The following HCN1 variants were observed in gnomAD, a reference collection of about 807,000 sequenced individuals.
HCN1 encodes potassium/sodium hyperpolarization-activated cyclic nucleotide-gated channel 1.
A neutral mutation model predicts 78.9 loss-of-function variants in HCN1; 13 were observed. That is an observed-to-expected ratio of 0.16 (90% confidence interval 0.11 to 0.26). The LOEUF (loss-of-function observed/expected upper bound fraction) is 0.26, where lower values mean the gene tolerates loss of function less well. Among genes scored for constraint, HCN1 ranks in the 10% least tolerant of loss-of-function variants. The pLI is 1.00. For synonymous variants in HCN1, 552 were observed against 455.5 expected, an observed-to-expected ratio of 1.21 and a Z score of -2.70; for missense variants, 810 against 1,154.3, an observed-to-expected ratio of 0.70 and a Z score of 4.32.
chr5:45,471,364 G>A (rs1476941533), intron 2 of HCN1, among the ~76,000 whole-genome samples: 2 of 151,788 alleles, frequency 1.3e-5, no homozygotes, highest in African/African-American at 2.4e-5. Context: ...AACTCCAAAT[G>A]TCTCAAAGAT....
Position 45,363,145 on chromosome 5 carries a change from C to CATATATATATAT in HCN1, c.1231-9911_1231-9900dup, listed in dbSNP as rs34074894. 2.9e-3 allele frequency among the ~76,000 whole-genome samples: 386 copies of CATATATATATAT among 131,234 alleles called. 4 individuals carry two copies. The highest frequency in any genetic ancestry group is 0.01 in the African/African-American group (350 of 33,480). The allele number at this position is 131,234 out of a possible 152,430, so 86.1% of individuals were successfully genotyped here. A position where few individuals can be genotyped will look rare whatever the true frequency, so the allele number is the denominator to read the frequency against. On this transcript the variant is annotated intron_variant, in intron 4 of 7. Coordinates refer to ENST00000303230, the MANE Select transcript of HCN1 (RefSeq NM_021072.4). ...ATATATAACATATTATATATATATA[C>CATATATATATAT]ATATATATATATATATATATATATC...
chr5:45,444,732 G>T (rs1740751297), intron 3 of HCN1, among the ~76,000 whole-genome samples: 1 of 151,664 alleles, frequency 6.6e-6, no homozygotes, highest in Admixed American at 6.6e-5. Flanking sequence ...TTTGTTGGCT[G>T]CATCTTTGGT....
chr5:45,314,243 T>A (rs1745924752), intron 5 of HCN1, among the ~76,000 whole-genome samples: 1 of 152,140 alleles, frequency 6.6e-6, no homozygotes, highest in African/African-American at 2.4e-5. Flanking sequence ...CAACCCAGAA[T>A]TTCATATCCA....
intron 2 of HCN1, among the ~76,000 whole-genome samples, chr5:45,580,683 C>A (rs906658582): frequency 1.3e-5 from 2 of 152,024 alleles, no homozygotes; most frequent in African/African-American, 2.4e-5. Flanking sequence ...TGCTATTTCT[C>A]TCCCCTCCGC....
chr5:45,649,789 T>G (rs1163719605), intron 1 of HCN1, among the ~76,000 whole-genome samples: 1 of 152,114 alleles, frequency 6.6e-6, no homozygotes, highest in African/African-American at 2.4e-5. Context: ...AATTGGATTT[T>G]TAATGAAAAC....
At chr5:45,666,613 A>G (rs1011523395) in intron 1 of HCN1, among the ~76,000 whole-genome samples, 3 of 152,014 alleles carry the variant, frequency 2.0e-5, no homozygotes, top group Non-Finnish European at 2.9e-5. Context: ...TTTTGTATGT[A>G]TGTGGATAAT....
chr5:45,596,576 G>A (rs1294360000), intron 2 of HCN1, among the ~76,000 whole-genome samples: 1 of 152,186 alleles, frequency 6.6e-6, no homozygotes, highest in African/African-American at 2.4e-5. Context: ...AGCTGTTATT[G>A]TATTGGAACA....
intron 1 of HCN1, among the ~76,000 whole-genome samples, chr5:45,692,713 G>A (rs906300019): frequency 6.6e-6 from 1 of 152,110 alleles, no homozygotes; most frequent in East Asian, 1.9e-4. Context: ...GTGGGGAAAA[G>A]AGGCACTAGC....
chr5:45,593,985 A>AT (rs1221651078), intron 2 of HCN1, among the ~76,000 whole-genome samples: 1 of 152,100 alleles, frequency 6.6e-6, no homozygotes, highest in African/African-American at 2.4e-5. Context: ...CTATTCCTGA[A>AT]TTTTAAATTT....
intron 2 of HCN1, among the ~76,000 whole-genome samples, chr5:45,593,701 G>T (rs918297205): frequency 6.6e-6 from 1 of 151,466 alleles, no homozygotes; most frequent in Admixed American, 6.6e-5. Context: ...TAAAGACAGA[G>T]TCTTGCTCTT....
At chr5:45,677,015 T>C (rs1739570392) in intron 1 of HCN1, among the ~76,000 whole-genome samples, 1 of 151,858 alleles carries the variant, frequency 6.6e-6, no homozygotes, top group East Asian at 1.9e-4. Flanking sequence ...CATTATAACT[T>C]TAACTTGCCA....
intron 2 of HCN1, among the ~76,000 whole-genome samples, chr5:45,568,777 T>G (rs932962266): frequency 6.6e-6 from 1 of 152,118 alleles, no homozygotes; most frequent in Non-Finnish European, 1.5e-5. Context: ...TTAAGTAGCT[T>G]TATTTTAAAA....
chr5:45,467,585 G>C (rs1202032293), intron 2 of HCN1, among the ~76,000 whole-genome samples: 1 of 152,002 alleles, frequency 6.6e-6, no homozygotes, highest in Non-Finnish European at 1.5e-5. Flanking sequence ...TGTGTAGCTT[G>C]TACTACTTAA....
chr5:45,314,130 A>C (rs746724537), intron 5 of HCN1, among the ~76,000 whole-genome samples: 2 of 152,206 alleles, frequency 1.3e-5, no homozygotes, highest in Non-Finnish European at 2.9e-5. Flanking sequence ...CGGGTTACCC[A>C]CAAAGAGAAG....
chr5:45,675,267 C>T (rs1444840822), intron 1 of HCN1, among the ~76,000 whole-genome samples: 1 of 151,734 alleles, frequency 6.6e-6, no homozygotes, highest in Non-Finnish European at 1.5e-5. Flanking sequence ...TATCCTAGGC[C>T]AGCCAAGTCC....
chr5:45,440,600 T>C (rs896387835), intron 3 of HCN1, among the ~76,000 whole-genome samples: 1 of 152,136 alleles, frequency 6.6e-6, no homozygotes, highest in Non-Finnish European at 1.5e-5. Context: ...CCCTGACTAG[T>C]TCACATCAAA....
Position 45,346,580 on chromosome 5 carries a change from C to T in HCN1, c.1377+6520G>A, listed in dbSNP as rs146694000. Among the ~76,000 whole-genome samples the T allele has an allele frequency of 6.4e-3, 977 of 152,258 alleles. 11 individuals are homozygous for T. The highest frequency in any genetic ancestry group is 0.021 in the African/African-American group (862 of 41,560). On this transcript the variant is annotated intron_variant, in intron 5 of 7. Transcript: ENST00000303230. ...GCGAGGCACTACCTCACTCAGGAAG[C>T]GCAAGGGGTCAGGGAGTTCCCTTTC...
Position 45,297,552 on chromosome 5 carries a change from T to C in HCN1, c.1618+6047A>G, listed in dbSNP as rs143412667. Among the ~76,000 whole-genome samples the C allele has an allele frequency of 2.8e-3, 429 of 152,200 alleles. 1 individual carries two copies. The highest frequency in any genetic ancestry group is 9.8e-3 in the African/African-American group (406 of 41,558). ...CCAAATATTTAAGGAATAAATGATA[T>C]CAATTCTCCACCATCTTTTCCAGAA... On this transcript the variant is annotated intron_variant, in intron 6 of 7. Coordinates refer to ENST00000303230, the MANE Select transcript of HCN1 (RefSeq NM_021072.4).
At chr5:45,543,079 G>A (rs1023575750) in intron 2 of HCN1, among the ~76,000 whole-genome samples, 2 of 152,062 alleles carry the variant, frequency 1.3e-5, no homozygotes, top group Non-Finnish European at 2.9e-5. Context: ...CCCTCTCTGA[G>A]AAGTAATATG....
Sources: allele counts gnomAD v4.1 joint callset (sites outside exome capture counted in the v4.1 genomes callset), GRCh38; gene constraint gnomAD v4.1.1; transcripts MANE v1.5; gene names NCBI Gene and HGNC (gene_info 2026-07-23, HGNC 2026-07-21).